ADORA2A: variants seen among roughly 807,000 people sequenced by gnomAD.
ADORA2A encodes adenosine receptor A2a.
ADORA2A carries 11 observed loss-of-function variants against 18.4 expected under a neutral mutation model. The observed-to-expected ratio is 0.60, with a 90% CI of 0.38 to 0.99. The LOEUF is 0.99. Among genes scored for constraint, ADORA2A ranks in the 50% least tolerant of loss-of-function variants. The probability of loss-of-function intolerance (pLI) is 0.01; values close to 1 mark genes in which losing one functional copy is unlikely to be tolerated. For synonymous variants in ADORA2A, 218 were observed against 237.3 expected, an observed-to-expected ratio of 0.92 and a Z score of 0.75; for missense variants, 449 against 556.1, an observed-to-expected ratio of 0.81 and a Z score of 1.94.
upstream of ADORA2A, chr22:24,424,449 G>A (rs1443239156): frequency 6.6e-6 from 1 of 152,288 alleles, no homozygotes; most frequent in Non-Finnish European, 1.5e-5. The surrounding 1 kb of genome is among the most constrained non-coding windows in gnomAD (Gnocchi z 4.9). Context: ...CTCCAGCAGG[G>A]ATGGACCGGG....
rs757137296 is a variant in ADORA2A, at chr22:24,440,656, G to A, written c.406G>A (p.Gly136Ser). Reference sequence around the variant, plus strand: ...CTGCTGGGTGCTGTCGTTTGCCATCGGCCTGACTCCCATGCTAGGTTGGAA... The same window carrying A: ...CTGCTGGGTGCTGTCGTTTGCCATCAGCCTGACTCCCATGCTAGGTTGGAA... ...AICWVLSFAI[G>S]LTPMLGWNNC... is the part of the protein sequence containing the mutation. The change falls in exon 3 of 3, where the codon GGC becomes AGC. Residue 136 changes from glycine to serine, a missense_variant. Transcript: ENST00000337539. The A allele has an allele frequency of 1.9e-5, 30 of 1,609,776 alleles. No homozygotes were observed. The highest frequency in any genetic ancestry group is 1.6e-4 in the East Asian group (7 of 44,796).
In ADORA2A at chr22:24,441,122, G is replaced by A. The variant is rs769621641; in HGVS notation, c.872G>A (p.Arg291His). ...GTGAATCCCTTCATCTACGCCTACC[G>A]TATCCGCGAGTTCCGCCAGACCTTC... The part of the protein sequence containing the change: ...SVVNPFIYAY[R>H]IREFRQTFRK... Residue 291 changes from arginine (R) to histidine (H), a missense_variant, in exon 3 of 3, where the codon CGT becomes CAT. By Grantham distance (29) the Arg-to-His change is conservative. Transcript: ENST00000337539. The A allele has an allele frequency of 8.7e-6, 14 of 1,613,980 alleles. No individual in the cohort carries two copies. In the East Asian group the frequency reaches 1.8e-4, roughly 21 times the overall value.
rs535920621 is a variant in ADORA2A at position 24,431,646 on chromosome 22, C to T, written c.-274-1485C>T. On this transcript the variant is annotated intron_variant, in intron 1 of 2. Transcript: ENST00000337539. ...CCTCTTGTCCCCAGGCAGGTGGTGGCGGCTGGCAACACACTCATAGGGCCC... is the reference window on the plus strand; with the variant it reads ...CCTCTTGTCCCCAGGCAGGTGGTGGTGGCTGGCAACACACTCATAGGGCCC... 47 of 381,250 alleles carry T rather than the reference C, an allele frequency of 1.2e-4. 1 individual carries two copies. Among genetic ancestry groups the T allele is most frequent in the African/African-American group, 5.8e-4 (28 of 47,894 alleles). 23.6% of individuals were successfully genotyped at this position (381,250 alleles called of 1,614,324 possible). A position where few individuals can be genotyped will look rare whatever the true frequency, so the allele number is the denominator to read the frequency against.
At chr22:24,423,834 A>AGCGGG (rs1315585697), upstream of ADORA2A, 3 of 151,990 alleles carry the variant, frequency 2.0e-5, no homozygotes, top group South Asian at 2.1e-4. Context: ...TTCTCCGCGC[A>AGCGGG]GCGGGGCGGG....
At chr22:24,430,077 C>T (rs897867509) in intron 1 of ADORA2A, 1 of 152,400 alleles carries the variant, frequency 6.6e-6, no homozygotes, top group African/African-American at 2.4e-5. Flanking sequence ...TGAATGCACT[C>T]CTCTTCCCCT....
chr22:24,431,775 G>T (rs2043042867), intron 1 of ADORA2A: 2 of 319,944 alleles, frequency 6.3e-6, no homozygotes, highest in Middle Eastern at 1.2e-3. Flanking sequence ...CCATTCACAG[G>T]CTCGAAGGGG....
chr22:24,440,682 C>T lies in ADORA2A; in HGVS notation c.432C>T (p.Asn144=), dbSNP rs8192446. 2.5e-3 allele frequency: 4,095 copies of T among 1,613,510 alleles called. 10 individuals carry two copies. Among genetic ancestry groups the T allele is most frequent in the Middle Eastern group, 8.9e-3 (54 of 6,058 alleles). ...GCCTGACTCCCATGCTAGGTTGGAA[C>T]AACTGCGGTCAGCCAAAGGAGGGCA... ...AIGLTPMLGW[N]NCGQPKEGKN... Residue 144 remains asparagine (N), a synonymous_variant, in exon 3 of 3, where the codon AAC becomes AAT. Transcript: ENST00000337539.
intron 2 of ADORA2A, among the ~76,000 whole-genome samples, chr22:24,439,792 C>T (rs947036645): frequency 7.2e-5 from 11 of 152,064 alleles, no homozygotes; most frequent in African/African-American, 2.4e-4. Context: ...TGAGTGATTT[C>T]GGGCAGATTA....
chr22:24,426,273 G>T (rs1217814243), upstream of ADORA2A, among the ~76,000 whole-genome samples: 1 of 152,180 alleles, frequency 6.6e-6, no homozygotes, highest in Admixed American at 6.5e-5. Flanking sequence ...CGTGTTTGCG[G>T]GGTCTGTCTT....
chr22:24,436,325 C>G (rs1000467731), intron 2 of ADORA2A, among the ~76,000 whole-genome samples: 1 of 152,208 alleles, frequency 6.6e-6, no homozygotes, highest in Non-Finnish European at 1.5e-5. Context: ...CTCTACGTGC[C>G]GTTTCCTGCT....
At chr22:24,433,955 C>A (rs934445258) in intron 2 of ADORA2A, among the ~76,000 whole-genome samples, 1 of 152,252 alleles carries the variant, frequency 6.6e-6, no homozygotes, top group East Asian at 1.9e-4. Flanking sequence ...GGCAGCCTGG[C>A]CCTCCCAGGC....
In ADORA2A at chr22:24,433,578, C is replaced by G; in HGVS notation, c.174C>G (p.Leu58=). The G allele has an allele frequency of 1.2e-6, 2 of 1,614,122 alleles. No homozygotes were observed. The highest frequency in any genetic ancestry group is 1.7e-6 in the Non-Finnish European group (2 of 1,180,052). Reference sequence around the variant, plus strand: ...CGGCCGACATCGCAGTGGGTGTGCTCGCCATCCCCTTTGCCATCACCATCA... The same window carrying G: ...CGGCCGACATCGCAGTGGGTGTGCTGGCCATCCCCTTTGCCATCACCATCA... ...LAAADIAVGV[L]AIPFAITIST... Residue 58 remains leucine, a synonymous_variant, in exon 2 of 3, where the codon CTC becomes CTG. Transcript: ENST00000337539.
In ADORA2A at chr22:24,435,914, CGAT is replaced by C. The variant is rs1211029731; in HGVS notation, c.332+2183_332+2185del. ...CAGGGGGCCCTGGAGAGGATGACGA[CGAT>C]GATGTTCATCCTCCCTTGAGGGCAG... On this transcript the variant is annotated intron_variant, in intron 2 of 2. Coordinates refer to ENST00000337539, the MANE Select transcript of ADORA2A (RefSeq NM_000675.6). Among the ~76,000 whole-genome samples the C allele has an allele frequency of 3.9e-5, 6 of 152,166 alleles. No homozygotes were observed. In the South Asian group the frequency reaches 8.3e-4, roughly 21 times the overall value.
chr22:24,429,496 AAC>A (rs1484847848), intron 1 of ADORA2A: 1 of 152,270 alleles, frequency 6.6e-6, no homozygotes, highest in African/African-American at 2.4e-5. Context: ...GCACAGAGCC[AAC>A]AGAGAGGGAT....
chr22:24,439,109 G>A (rs2043261813), intron 2 of ADORA2A, among the ~76,000 whole-genome samples: 1 of 65,870 alleles, frequency 1.5e-5, no homozygotes, highest in Non-Finnish European at 3.2e-5. Context: ...TTTGGAGACT[G>A]AGTCTTGCTC....
chr22:24,426,791 A>G (rs974871368), upstream of ADORA2A, among the ~76,000 whole-genome samples: 1 of 152,128 alleles, frequency 6.6e-6, no homozygotes, highest in African/African-American at 2.4e-5. Flanking sequence ...AGCCCAGGGA[A>G]GGCAGGACCC....
At chr22:24,438,968 T>C (rs989963519) in intron 2 of ADORA2A, among the ~76,000 whole-genome samples, 6 of 151,478 alleles carry the variant, frequency 4.0e-5, no homozygotes, top group African/African-American at 1.5e-4. Flanking sequence ...AGCTGCCTCC[T>C]GTGTGTGCTA....
chr22:24,424,735 C>T (rs1307696893), upstream of ADORA2A, among the ~76,000 whole-genome samples: 1 of 152,158 alleles, frequency 6.6e-6, no homozygotes, highest in Non-Finnish European at 1.5e-5. This position sits in a 1 kb window ranked among gnomAD's most constrained non-coding sequence, Gnocchi z 4.9. Flanking sequence ...TGGCCCCGGC[C>T]GTCTGTCTGG....
chr22:24,436,409 T>TA (rs1465349300), intron 2 of ADORA2A, among the ~76,000 whole-genome samples: 11 of 152,146 alleles, frequency 7.2e-5, no homozygotes, highest in East Asian at 3.9e-4. Context: ...AACTTTTTTT[T>TA]TAAAAAAAAG....
Sources: allele counts gnomAD v4.1 joint callset (sites outside exome capture counted in the v4.1 genomes callset), GRCh38; gene constraint gnomAD v4.1.1; non-coding constraint Gnocchi (gnomAD v3.1); transcripts MANE v1.5; gene names NCBI Gene and HGNC (gene_info 2026-07-23, HGNC 2026-07-21).